The following BCL7A variants were observed in gnomAD, a reference collection of about 807,000 sequenced individuals.
BCL7A encodes B-cell CLL/lymphoma 7 protein family member A.
In BCL7A, 11 loss-of-function variants were observed where a neutral mutation model predicts 28.4. The observed-to-expected ratio is 0.39, with a 90% CI of 0.24 to 0.64. The LOEUF (loss-of-function observed/expected upper bound fraction) is 0.64. Ranked by LOEUF, BCL7A falls within the 30% of genes least tolerant of loss-of-function variation. BCL7A has a pLI of 0.50. For missense variants in BCL7A, 222 were observed against 274.8 expected, an observed-to-expected ratio of 0.81 and a Z score of 1.36; for synonymous variants, 123 against 103.3, an observed-to-expected ratio of 1.19 and a Z score of -1.15.
At chr12:122,047,102 C>T (rs559107845) in intron 4 of BCL7A, among the ~76,000 whole-genome samples, 1 of 151,686 alleles carries the variant, frequency 6.6e-6, no homozygotes, top group African/African-American at 2.4e-5. Flanking sequence ...TGGGGTTTCA[C>T]CATGTTGGCC....
At chr12:122,034,192 T>TAC in intron 2 of BCL7A, among the ~76,000 whole-genome samples, 1 of 74 alleles carries the variant, frequency 0.014, no homozygotes, top group Middle Eastern at 0.5. Context: ...GCATCTTTCA[T>TAC]ATATATATAT....
At chr12:122,024,741 A>G (rs1883577986) in intron 1 of BCL7A, among the ~76,000 whole-genome samples, 1 of 152,324 alleles carries the variant, frequency 6.6e-6, no homozygotes, top group Admixed American at 6.5e-5. Context: ...TTTAAAAATA[A>G]ATGTTTTTGA....
chr12:122,035,086 C>T (rs1260983509), intron 2 of BCL7A, among the ~76,000 whole-genome samples: 6 of 152,184 alleles, frequency 3.9e-5, no homozygotes, highest in Admixed American at 3.3e-4. Context: ...TCCAGGGTGC[C>T]GGAGCTGGGC....
chr12:122,033,058 C>G (rs1292050631), intron 2 of BCL7A, among the ~76,000 whole-genome samples: 1 of 151,930 alleles, frequency 6.6e-6, no homozygotes, highest in Non-Finnish European at 1.5e-5. Flanking sequence ...AAATTTCATC[C>G]TTTTAAATAG....
rs943677763 is a variant in BCL7A, at chr12:122,060,402, G to T, written c.*1239G>T. ...AAACAAGGCGTCGAGGAATTGGAAA[G>T]ATTTGCACACCCTCCAGAAAGGAGA... On this transcript the variant is annotated 3_prime_UTR_variant, in exon 6 of 6. Coordinates refer to ENST00000261822, the MANE Select transcript of BCL7A (RefSeq NM_001024808.3). The T allele has an allele frequency of 4.3e-5, 10 of 233,044 alleles. No individual in the cohort carries two copies. The highest frequency in any genetic ancestry group is 8.5e-5 in the Non-Finnish European group (10 of 117,810). 14.4% of individuals were successfully genotyped at this position (233,044 alleles called of 1,614,324 possible).
At chr12:122,055,353 G>T (rs377742436) in intron 5 of BCL7A, among the ~76,000 whole-genome samples, 26 of 152,294 alleles carry the variant, frequency 1.7e-4, no homozygotes, top group African/African-American at 6.3e-4. Context: ...CACTGCATGG[G>T]CCCCTCTCCA....
chr12:122,032,918 G>C (rs1202879646), intron 2 of BCL7A, among the ~76,000 whole-genome samples: 2 of 152,098 alleles, frequency 1.3e-5, no homozygotes, highest in Non-Finnish European at 2.9e-5. Flanking sequence ...CAGATTCCTG[G>C]GCCCATCACC....
intron 2 of BCL7A, among the ~76,000 whole-genome samples, chr12:122,034,425 TAAAAAA>T (rs35998182): frequency 2.5e-5 from 3 of 118,390 alleles, no homozygotes; most frequent in Admixed American, 9.1e-5. Flanking sequence ...ATTCCTTTCG[TAAAAAA>T]AAAAAAAAAA....
At chr12:122,039,725 C>T (rs889775474) in intron 3 of BCL7A, among the ~76,000 whole-genome samples, 2 of 150,832 alleles carry the variant, frequency 1.3e-5, no homozygotes, top group Non-Finnish European at 2.9e-5. Flanking sequence ...TGGTGGCACA[C>T]GCCTGTAATC....
At chr12:122,048,954 G>A (rs1200690149) in intron 4 of BCL7A, among the ~76,000 whole-genome samples, 1 of 150,532 alleles carries the variant, frequency 6.6e-6, no homozygotes, top group African/African-American at 2.4e-5. Context: ...CCAGGAGGCG[G>A]AGGTTTTAGT....
intron 4 of BCL7A, among the ~76,000 whole-genome samples, chr12:122,049,034 AAATAT>A (rs1358647769): frequency 8.8e-5 from 5 of 56,788 alleles, no homozygotes; most frequent in African/African-American, 3.8e-4. Context: ...AAAAAAAAAA[AAATAT>A]ATATATATAT....
In BCL7A at chr12:122,061,587, C is replaced by T. The variant is rs1269245909; in HGVS notation, c.*2424C>T. ...CCACCCTGCACCCCTCGCCCTCCCC[C>T]CACCACAGAATCTAAGACCTTTCAG... On this transcript the variant is annotated 3_prime_UTR_variant, in exon 6 of 6. Coordinates refer to ENST00000261822, the MANE Select transcript of BCL7A (RefSeq NM_001024808.3). 8.8e-6 allele frequency: 2 copies of T among 228,166 alleles called. No individual in the cohort carries two copies. The highest frequency in any genetic ancestry group is 4.4e-5 in the African/African-American group (2 of 44,964). 14.1% of individuals were successfully genotyped at this position (228,166 alleles called of 1,614,324 possible).
At chr12:122,035,984 C>G (rs1883843564) in intron 3 of BCL7A, among the ~76,000 whole-genome samples, 1 of 151,864 alleles carries the variant, frequency 6.6e-6, no homozygotes, top group South Asian at 2.1e-4. Context: ...GGGATTACAG[C>G]CATGCACCAC....
At position 122,030,738 on chromosome 12, in the gene BCL7A, G is replaced by A. The variant is rs745392362; in HGVS notation, c.131G>A (p.Arg44Gln). The A allele has an allele frequency of 3.1e-6, 5 of 1,614,000 alleles. No homozygotes were observed. The highest frequency in any genetic ancestry group is 2.2e-5 in the East Asian group (1 of 44,888). Reference sequence around the variant, plus strand: ...GTGACCGTTGGTGACACATCCCTACGAATCTACAAATGGGTCCCTGTGACG... The same window carrying A: ...GTGACCGTTGGTGACACATCCCTACAAATCTACAAATGGGTCCCTGTGACG... Reference protein sequence around the residue: ...KWVTVGDTSLRIYKWVPVTEP... With the variant: ...KWVTVGDTSLQIYKWVPVTEP... The change falls in exon 2 of 6, where the codon CGA (arginine) becomes CAA (glutamine). Residue 44 changes from arginine to glutamine, a missense_variant. Around this residue, in one of 2 missense-constraint regions of BCL7A, gnomAD observed 67 missense variants for 129.1 expected, o/e 0.52. Coordinates refer to ENST00000261822, the MANE Select transcript of BCL7A (RefSeq NM_001024808.3).
chr12:122,022,763 C>G (rs1416054194), intron 1 of BCL7A, among the ~76,000 whole-genome samples: 1 of 151,088 alleles, frequency 6.6e-6, no homozygotes, highest in Admixed American at 6.6e-5. Flanking sequence ...GTTTGCAGAG[C>G]GCGAGCCGTT....
chr12:122,024,805 A>T (rs2135836792), intron 1 of BCL7A, among the ~76,000 whole-genome samples: 1 of 152,336 alleles, frequency 6.6e-6, no homozygotes, highest in Admixed American at 6.5e-5. Context: ...TATCTAATTT[A>T]TCTGAAATGC....
chr12:122,061,535 G>T lies in BCL7A; in HGVS notation c.*2372G>T. On this transcript the variant is annotated 3_prime_UTR_variant, in exon 6 of 6. Transcript: ENST00000261822. ...CCGATGTGCTTCCTTCCCTGGCGCA[G>T]TCGCTCCTCGAGCCGCTGCCCCCCA... The T allele has an allele frequency of 4.3e-6, 1 of 232,352 alleles. No individual in the cohort carries two copies. Among genetic ancestry groups the T allele is most frequent in the Non-Finnish European group, 8.5e-6 (1 of 117,530 alleles). 14.4% of individuals were successfully genotyped at this position (232,352 alleles called of 1,614,324 possible).
intron 2 of BCL7A, among the ~76,000 whole-genome samples, chr12:122,031,448 C>T (rs1033232900): frequency 6.6e-6 from 1 of 152,164 alleles, no homozygotes; most frequent in Non-Finnish European, 1.5e-5. Flanking sequence ...TGTTCCTGAG[C>T]CTCTGACCAT....
chr12:122,021,916 T>TG lies in BCL7A; in HGVS notation c.-176_-175insG, dbSNP rs1883459433. The TG allele has an allele frequency of 5.7e-6, 2 of 353,830 alleles. No individual in the cohort carries two copies. Among genetic ancestry groups the TG allele is most frequent in the East Asian group, 9.7e-5 (2 of 20,594 alleles). The allele number at this position is 353,830 out of a possible 1,614,324, so 21.9% of individuals were successfully genotyped here. On this transcript the variant is annotated 5_prime_UTR_variant, in exon 1 of 6. Transcript: ENST00000261822. ...GCCAGGCGCGCGGCGGCCCCGGGCT[T>TG]TGTGTGTGTGTGTATGTGTGTGTGT... is the stretch of plus-strand genomic sequence containing the variant.
Sources: gnomAD v4.1 joint callset for allele counts (sites outside exome capture counted in the v4.1 genomes callset) on GRCh38, gnomAD v4.1.1 for gene constraint, gnomAD v4.1.1 regional missense constraint, MANE v1.5 for transcripts, NCBI Gene and HGNC (gene_info 2026-07-23, HGNC 2026-07-21) for gene names.